LYSMD1: variants seen among roughly 807,000 people sequenced by gnomAD.
The protein encoded by LYSMD1 is lysM and putative peptidoglycan-binding domain-containing protein 1.
Under a neutral mutation model 19.3 loss-of-function variants are expected in LYSMD1, and 9 were observed. The observed-to-expected ratio is 0.47, with a 90% CI of 0.28 to 0.81. The LOEUF (loss-of-function observed/expected upper bound fraction) is 0.81. LYSMD1 is among the 40% of genes least tolerant of loss of function. The pLI, the probability that LYSMD1 is intolerant of heterozygous loss-of-function variation, is 0.11. For synonymous variants in LYSMD1, 111 were observed against 111.7 expected, an observed-to-expected ratio of 0.99 and a Z score of 0.04; for missense variants, 262 against 279.8, an observed-to-expected ratio of 0.94 and a Z score of 0.45.
chr1:151,161,634 C>A, intron 2 of LYSMD1, 102 bp downstream of exon 2: 1 of 1,449,762 alleles, frequency 6.9e-7, no homozygotes. Flanking sequence ...ATCACCTTGC[C>A]TCTGTTGGCA....
chr1:151,163,086 A>G (rs1426813319), intron 1 of LYSMD1, among the ~76,000 whole-genome samples: 1 of 152,026 alleles, frequency 6.6e-6, no homozygotes, highest in Non-Finnish European at 1.5e-5. Context: ...TGAACTTTTT[A>G]TTTTTCTTTG....
downstream of LYSMD1, among the ~76,000 whole-genome samples, chr1:151,155,241 A>C (rs1223371770): frequency 6.6e-6 from 1 of 152,100 alleles, no homozygotes; most frequent in Non-Finnish European, 1.5e-5. Context: ...TCTGGCTATT[A>C]AGTAGTTGAA....
At chr1:151,156,496 T>C (rs1683226547), downstream of LYSMD1, 1 of 152,232 alleles carries the variant, frequency 6.6e-6, no homozygotes, top group Admixed American at 6.5e-5. Flanking sequence ...ATTGAGACTA[T>C]TTCCAACAGA....
intron 2 of LYSMD1, 92 bp from the exon 3 acceptor site, chr1:151,161,112 A>C: frequency 2.1e-6 from 3 of 1,412,746 alleles, no homozygotes; most frequent in Non-Finnish European, 3.0e-6. Flanking sequence ...CTATCTTCTA[A>C]TACATAAGCT....
At chr1:151,150,724 T>C in the LYSMD1 span, among the ~76,000 whole-genome samples, 2 of 147,810 alleles carry the variant, frequency 1.4e-5, no homozygotes, top group Non-Finnish European at 3.0e-5. Flanking sequence ...GGCTTTTCTT[T>C]TCTTTTCTTT....
Position 151,165,498 on chromosome 1 carries a change from C to T in LYSMD1, c.-240G>A, listed in dbSNP as rs1683649620. 4 of 1,439,656 alleles carry T rather than the reference C, an allele frequency of 2.8e-6. No homozygotes were observed. In the African/African-American group the frequency reaches 4.3e-5, roughly 15 times the overall value. The allele number at this position is 1,439,656 out of a possible 1,614,324, so 89.2% of individuals were successfully genotyped here. On this transcript the variant is annotated 5_prime_UTR_variant, in exon 1 of 3. Coordinates refer to ENST00000368908, the MANE Select transcript of LYSMD1 (RefSeq NM_212551.5). ...AGTCCCTCCCTAATTCTCCCCTAAG[C>T]ACCCCTCCGACTTTGGACTCCCCCA... is the stretch of plus-strand genomic sequence containing the variant.
the LYSMD1 span, among the ~76,000 whole-genome samples, chr1:151,151,420 C>T: frequency 1.3e-5 from 2 of 149,692 alleles, no homozygotes; most frequent in Non-Finnish European, 3.0e-5. Context: ...AGGATGGTCT[C>T]GATCTTCTGA....
chr1:151,149,520 C>T, the LYSMD1 span, among the ~76,000 whole-genome samples: 1 of 152,068 alleles, frequency 6.6e-6, no homozygotes, highest in Admixed American at 6.6e-5. Context: ...GAGGCTGAGG[C>T]GGGTGGATTG....
the LYSMD1 span, among the ~76,000 whole-genome samples, chr1:151,153,736 C>T: frequency 7.3e-5 from 11 of 151,590 alleles, no homozygotes; most frequent in African/African-American, 1.9e-4. Flanking sequence ...GGGTGGATCA[C>T]GATGTCAGGA....
At position 151,160,895 on chromosome 1, in the gene LYSMD1, A is replaced by G; in HGVS notation, c.671T>C (p.Ile224Thr). ...TRTLRDQEDEIFKL is the reference protein window; with the variant it reads ...TRTLRDQEDETFKL ...GTTCTGGGGACATCAGAGTTTGAAGATTTCATCCTCCTGGTCCCGTAGTGT... is the reference window on the plus strand; with the variant it reads ...GTTCTGGGGACATCAGAGTTTGAAGGTTTCATCCTCCTGGTCCCGTAGTGT... The change falls in exon 3 of 3, where the codon ATC becomes ACC. Residue 224 changes from isoleucine to threonine, a missense_variant. Ile to Thr is a moderately conservative substitution (Grantham distance 89). Transcript: ENST00000368908. The G allele has an allele frequency of 6.2e-7, 1 of 1,613,786 alleles. No individual in the cohort carries two copies. Among genetic ancestry groups the G allele is most frequent in the Non-Finnish European group, 8.5e-7 (1 of 1,179,758 alleles).
intron 1 of LYSMD1, among the ~76,000 whole-genome samples, chr1:151,163,647 C>T (rs1167610227): frequency 1.3e-5 from 2 of 152,068 alleles, no homozygotes; most frequent in Admixed American, 6.6e-5. Context: ...TCTGCCTCAG[C>T]CTCCCCAGTA....
chr1:151,159,620 GA>G (rs1259402481), downstream of LYSMD1: 5 of 234,292 alleles, frequency 2.1e-5, no homozygotes, highest in Non-Finnish European at 3.7e-5. Context: ...GGATACTAAA[GA>G]CAGAAGAGGG....
chr1:151,160,993 G>A lies in LYSMD1; in HGVS notation c.573C>T (p.His191=), dbSNP rs1683424100. ...GTTGCTGCATCCAAGGGGAGCTCAGGTGGAGACCTGCATCCTCCCCAGGTA... is the reference window on the plus strand; with the variant it reads ...GTTGCTGCATCCAAGGGGAGCTCAGATGGAGACCTGCATCCTCCCCAGGTA... ...NGVPGEDAGL[H]LSSPWMQQRA... Residue 191 remains histidine (H), a synonymous_variant, in exon 3 of 3, where the codon CAC becomes CAT. Coordinates refer to ENST00000368908, the MANE Select transcript of LYSMD1 (RefSeq NM_212551.5). 5.6e-6 allele frequency: 9 copies of A among 1,614,176 alleles called. No individual in the cohort carries two copies. The East Asian group carries it at 1.6e-4, about 28-fold the overall frequency.
chr1:151,163,880 G>C (rs587769817), intron 1 of LYSMD1, among the ~76,000 whole-genome samples: 9 of 110,920 alleles, frequency 8.1e-5, no homozygotes, highest in Non-Finnish European at 1.5e-4. Flanking sequence ...TCCTATCTTT[G>C]TGTGTGTGTG....
At chr1:151,161,682 A>AGGAATGAT in intron 2 of LYSMD1, 54 bp downstream of exon 2, 2 of 1,577,264 alleles carry the variant, frequency 1.3e-6, no homozygotes, top group Non-Finnish European at 1.7e-6. Flanking sequence ...TAGGTAAGAC[A>AGGAATGAT]GGAATGATGG....
chr1:151,159,431 A>T, downstream of LYSMD1: 1 of 644,320 alleles, frequency 1.6e-6, no homozygotes, highest in Non-Finnish European at 2.7e-6. Flanking sequence ...GTGGAGAAGG[A>T]GCAATGCTGA....
chr1:151,155,695 G>A (rs1056902024), downstream of LYSMD1, among the ~76,000 whole-genome samples: 1 of 152,122 alleles, frequency 6.6e-6, no homozygotes, highest in Admixed American at 6.5e-5. Context: ...TGGCCTGGGC[G>A]ACAGAGTGAG....
Position 151,165,181 on chromosome 1 carries a change from G to A in LYSMD1, c.78C>T (p.Ser26=), listed in dbSNP as rs140571708. 62 of 1,614,178 alleles carry A rather than the reference G, an allele frequency of 3.8e-5. No individual in the cohort carries two copies. In the African/African-American group the frequency reaches 6.8e-4, roughly 18 times the overall value. Residue 26 remains serine (S), a synonymous_variant, in exon 1 of 3, where the codon AGC becomes AGT. Coordinates refer to ENST00000368908, the MANE Select transcript of LYSMD1 (RefSeq NM_212551.5). Reference sequence around the variant, plus strand: ...CTGGGGAGCAGGCCGATTGCACCAGGCTTCCATATGAACGAGCCCGGCTCC... The same window carrying A: ...CTGGGGAGCAGGCCGATTGCACCAGACTTCCATATGAACGAGCCCGGCTCC... ...LQGSRARSYG[S]LVQSACSPVR...
the LYSMD1 span, among the ~76,000 whole-genome samples, chr1:151,153,941 AG>A: frequency 1.3e-5 from 2 of 151,674 alleles, no homozygotes; most frequent in Admixed American, 1.3e-4. Flanking sequence ...CGACAGAGTG[AG>A]ACTCTGTCTC....
Sources: gnomAD v4.1 joint callset for allele counts (sites outside exome capture counted in the v4.1 genomes callset) on GRCh38, gnomAD v4.1.1 for gene constraint, MANE v1.5 for transcripts, NCBI Gene and HGNC (gene_info 2026-07-23, HGNC 2026-07-21) for gene names.